The following EXOC6B variants were observed in gnomAD, a reference collection of about 807,000 sequenced individuals.
EXOC6B encodes SEC15 homolog B.
A neutral mutation model predicts 113.5 loss-of-function variants in EXOC6B; 54 were observed. That is an observed-to-expected ratio of 0.48 (90% CI 0.38 to 0.60). The LOEUF (loss-of-function observed/expected upper bound fraction) is 0.60, where lower values mean the gene tolerates loss of function less well. Among genes scored for constraint, EXOC6B ranks in the 20% least tolerant of loss-of-function variants. The pLI is 0.00. For missense variants in EXOC6B, 797 were observed against 977.5 expected, an observed-to-expected ratio of 0.82 and a Z score of 2.46; for synonymous variants, 357 against 339.0, an observed-to-expected ratio of 1.05 and a Z score of -0.58.
At chr2:72,630,358 T>A (rs938900657) in intron 6 of EXOC6B, among the ~76,000 whole-genome samples, 2 of 152,038 alleles carry the variant, frequency 1.3e-5, no homozygotes, top group East Asian at 3.8e-4. Context: ...GTTGTCAATA[T>A]CTCTTAAAAA....
At chr2:72,806,160 T>TGGG (rs1372290229) in intron 1 of EXOC6B, among the ~76,000 whole-genome samples, 4 of 152,148 alleles carry the variant, frequency 2.6e-5, no homozygotes, top group Admixed American at 1.3e-4. Flanking sequence ...TAGGTAGTTT[T>TGGG]TCAACCCACA....
intron 20 of EXOC6B, among the ~76,000 whole-genome samples, chr2:72,219,284 G>C (rs1311907331): frequency 6.6e-6 from 1 of 151,948 alleles, no homozygotes; most frequent in African/African-American, 2.4e-5. Flanking sequence ...GGGGGAAGGA[G>C]GAGGGGGAAG....
chr2:72,698,226 A>T (rs1177252955), intron 6 of EXOC6B, among the ~76,000 whole-genome samples: 3 of 152,212 alleles, frequency 2.0e-5, no homozygotes, highest in African/African-American at 7.2e-5. Context: ...AAATAGCCTT[A>T]ACCAGAAGGA....
intron 19 of EXOC6B, among the ~76,000 whole-genome samples, chr2:72,367,571 A>G (rs1462199698): frequency 6.6e-6 from 1 of 152,342 alleles, no homozygotes; most frequent in East Asian, 1.9e-4. Flanking sequence ...TGGCACAAGA[A>G]CCAAAAATCA....
At position 72,539,601 on chromosome 2, in the gene EXOC6B, G is replaced by C. The variant is rs576711423; in HGVS notation, c.915+19852C>G. On this transcript the variant is annotated intron_variant, in intron 8 of 21. Coordinates refer to ENST00000272427, the MANE Select transcript of EXOC6B (RefSeq NM_015189.3). ...AGGATGATGTTTGCTGGCTTTCCTT[G>C]TTACATTAATCACCAGATTCTCATT... Among the ~76,000 whole-genome samples the C allele has an allele frequency of 5.9e-5, 9 of 152,148 alleles. No homozygotes were observed. The South Asian group carries it at 1.9e-3, about 32-fold the overall frequency.
chr2:72,179,148 T>G lies in EXOC6B; in HGVS notation c.*187A>C. 1.6e-6 allele frequency: 1 copy of G among 622,274 alleles called. No homozygotes were observed. The highest frequency in any genetic ancestry group is 2.6e-6 in the Non-Finnish European group (1 of 378,348). 38.5% of individuals were successfully genotyped at this position (622,274 alleles called of 1,614,324 possible). On this transcript the variant is annotated 3_prime_UTR_variant, in exon 22 of 22. Transcript: ENST00000272427. ...TGAGTCCCAGCCTAGCAACATCTCATGTACTTGCTTATTCTTGTGCCTCTT... is the reference window on the plus strand; with the variant it reads ...TGAGTCCCAGCCTAGCAACATCTCAGGTACTTGCTTATTCTTGTGCCTCTT...
At chr2:72,502,686 T>C (rs912827725) in intron 11 of EXOC6B, among the ~76,000 whole-genome samples, 16 of 152,230 alleles carry the variant, frequency 1.1e-4, no homozygotes, top group African/African-American at 3.6e-4. Context: ...CCATTTACCC[T>C]GTTTGACACT....
intron 17 of EXOC6B, among the ~76,000 whole-genome samples, chr2:72,469,869 T>C (rs1187246701): frequency 2.0e-5 from 3 of 152,136 alleles, no homozygotes; most frequent in African/African-American, 7.2e-5. Flanking sequence ...TGACAATAGA[T>C]GTTAACATAT....
intron 6 of EXOC6B, among the ~76,000 whole-genome samples, chr2:72,591,755 G>C (rs147507812): frequency 6.6e-6 from 1 of 152,080 alleles, no homozygotes; most frequent in East Asian, 1.9e-4. Context: ...AAATAATCAA[G>C]TTTACAGTCA....
intron 1 of EXOC6B, among the ~76,000 whole-genome samples, chr2:72,772,914 A>C (rs1250022757): frequency 6.6e-6 from 1 of 152,054 alleles, no homozygotes; most frequent in Non-Finnish European, 1.5e-5. Context: ...AAGGAACAAA[A>C]TAAAGCTCCA....
chr2:72,435,808 G>C (rs554260378), intron 18 of EXOC6B, among the ~76,000 whole-genome samples: 1 of 151,998 alleles, frequency 6.6e-6, no homozygotes, highest in South Asian at 2.1e-4. Flanking sequence ...ACGTGAGATG[G>C]ATCTCCTGAA....
chr2:72,220,220 G>A (rs143365127), intron 20 of EXOC6B, among the ~76,000 whole-genome samples: 5 of 152,276 alleles, frequency 3.3e-5, no homozygotes, highest in Non-Finnish European at 7.4e-5. Context: ...TGAAGAAAGT[G>A]GATTGAGCTC....
At chr2:72,408,994 T>C (rs933181534) in intron 18 of EXOC6B, among the ~76,000 whole-genome samples, 7 of 152,246 alleles carry the variant, frequency 4.6e-5, no homozygotes, top group Admixed American at 2.6e-4. Context: ...ATTCAGAATC[T>C]ACAATGAACT....
Position 72,399,024 on chromosome 2 carries a change from A to G in EXOC6B, c.1981-19154T>C, listed in dbSNP as rs1692958046. Among the ~76,000 whole-genome samples, 4 of 150,368 alleles carry G rather than the reference A, an allele frequency of 2.7e-5. No homozygotes were observed. The South Asian group carries it at 6.3e-4, about 24-fold the overall frequency. ...CAGTGAAAAAGAAAAAAAAAAAAAG[A>G]AAAAAATTATAAGCCAATATCCCTG... On this transcript the variant is annotated intron_variant, in intron 18 of 21. Transcript: ENST00000272427.
At chr2:72,654,754 C>A (rs2104419952) in intron 6 of EXOC6B, among the ~76,000 whole-genome samples, 1 of 152,236 alleles carries the variant, frequency 6.6e-6, no homozygotes, top group East Asian at 1.9e-4. Flanking sequence ...ATCAAGACTG[C>A]CACAAATGTT....
At chr2:72,523,838 C>T (rs532408185) in intron 8 of EXOC6B, among the ~76,000 whole-genome samples, 147 of 151,194 alleles carry the variant, frequency 9.7e-4, no homozygotes, top group African/African-American at 3.6e-3. Context: ...CTAAACAGCT[C>T]CTTATCTACT....
chr2:72,253,325 C>T (rs1038087227), intron 20 of EXOC6B, among the ~76,000 whole-genome samples: 1 of 152,282 alleles, frequency 6.6e-6, no homozygotes, highest in African/African-American at 2.4e-5. Context: ...TACCATTAGA[C>T]CCAGCAATCC....
intron 6 of EXOC6B, among the ~76,000 whole-genome samples, chr2:72,675,660 G>T (rs1156393560): frequency 6.6e-6 from 1 of 152,112 alleles, no homozygotes; most frequent in Admixed American, 6.5e-5. Flanking sequence ...AGGCATGGTG[G>T]CATGTGCCTG....
chr2:72,404,458 C>G (rs564122760), intron 18 of EXOC6B, among the ~76,000 whole-genome samples: 1 of 152,204 alleles, frequency 6.6e-6, no homozygotes, highest in African/African-American at 2.4e-5. Flanking sequence ...AGGCACCCCC[C>G]AGTAGGGGCA....
Sources: allele counts gnomAD v4.1 joint callset (sites outside exome capture counted in the v4.1 genomes callset), GRCh38; gene constraint gnomAD v4.1.1; transcripts MANE v1.5; gene names NCBI Gene and HGNC (gene_info 2026-07-23, HGNC 2026-07-21).